The following ZNF236 variants were observed in gnomAD, a reference collection of about 807,000 sequenced individuals.
ZNF236 encodes the protein regulated by glucose.
A neutral mutation model predicts 191.2 loss-of-function variants in ZNF236; 50 were observed. The ratio of observed to expected loss-of-function variants is 0.26; its 90% confidence interval spans 0.21 to 0.33. The LOEUF (loss-of-function observed/expected upper bound fraction) is 0.33. Ranked by LOEUF, ZNF236 falls within the 10% of genes least tolerant of loss-of-function variation. ZNF236 has a pLI of 1.00. For synonymous variants in ZNF236, 907 were observed against 928.8 expected, an observed-to-expected ratio of 0.98 and a Z score of 0.43; for missense variants, 1,754 against 2,374.5, an observed-to-expected ratio of 0.74 and a Z score of 5.43.
intron 22 of ZNF236, among the ~76,000 whole-genome samples, chr18:76,926,808 T>C (rs1599401472): frequency 6.6e-6 from 1 of 151,170 alleles, no homozygotes; most frequent in South Asian, 2.1e-4. Context: ...TGTGTGTATA[T>C]GGTATAAATA....
intron 2 of ZNF236, among the ~76,000 whole-genome samples, chr18:76,851,263 C>CT (rs775928958): frequency 0.021 from 2,471 of 117,650 alleles, 53 homozygotes; most frequent in African/African-American, 0.04. Context: ...AGAAAGAAAC[C>CT]TTTTTTTTTT....
rs1328382467 is a variant in ZNF236 at position 76,927,064 on chromosome 18, C to G, written c.4055C>G (p.Thr1352Arg). The G allele has an allele frequency of 6.2e-7, 1 of 1,613,602 alleles. No individual in the cohort carries two copies. Among genetic ancestry groups the G allele is most frequent in the Non-Finnish European group, 8.5e-7 (1 of 1,179,600 alleles). The change falls in exon 23 of 31, where the codon ACA becomes AGA. Residue 1352 changes from threonine to arginine, a missense_variant. This residue lies in a region of ZNF236 where 606 missense variants were observed against 761.5 expected (regional missense o/e 0.80). Coordinates refer to ENST00000320610, the MANE Select transcript of ZNF236 (RefSeq NM_001306089.2). This position sits in a 1 kb window ranked among gnomAD's most constrained non-coding sequence, Gnocchi z 5.4. ...SAGGDLTVSL[T>R]DGSLATLEGI... Reference sequence around the variant, plus strand: ...GGGGGTGACCTGACCGTGTCTCTGACAGATGGGAGCCTGGCTACCCTAGAA... The same window carrying G: ...GGGGGTGACCTGACCGTGTCTCTGAGAGATGGGAGCCTGGCTACCCTAGAA...
At chr18:76,965,213 A>G (rs532685432) in intron 30 of ZNF236, among the ~76,000 whole-genome samples, 4 of 152,098 alleles carry the variant, frequency 2.6e-5, no homozygotes, top group Non-Finnish European at 5.9e-5. Flanking sequence ...TTCTATAAGT[A>G]TGTCTATTGT....
In ZNF236 at chr18:76,969,111, C is replaced by A; in HGVS notation, c.*772C>A. 2 of 484,076 alleles carry A rather than the reference C, an allele frequency of 4.1e-6. No homozygotes were observed. Among genetic ancestry groups the A allele is most frequent in the Non-Finnish European group, 5.4e-6 (2 of 371,088 alleles). The allele number at this position is 484,076 out of a possible 1,614,324, so 30.0% of individuals were successfully genotyped here. A position where few individuals can be genotyped will look rare whatever the true frequency, so the allele number is the denominator to read the frequency against. ...TTGCAGAAGCACAAGCCATACATCG[C>A]AGGTAGGAAACCACAGAACCGTCTG... On this transcript the variant is annotated 3_prime_UTR_variant, in exon 31 of 31. Coordinates refer to ENST00000320610, the MANE Select transcript of ZNF236 (RefSeq NM_001306089.2).
intron 2 of ZNF236, 88 bp downstream of exon 2, chr18:76,849,756 T>G (rs1194746580): frequency 1.6e-6 from 2 of 1,261,836 alleles, no homozygotes; most frequent in Non-Finnish European, 2.1e-6. Context: ...AAACTTTTAA[T>G]TTAGGTTCCT....
At chr18:76,950,825 C>G (rs1194870163) in intron 27 of ZNF236, among the ~76,000 whole-genome samples, 1 of 152,220 alleles carries the variant, frequency 6.6e-6, no homozygotes, top group African/African-American at 2.4e-5. Flanking sequence ...CGGCTACAGC[C>G]TTATGAGATG....
intron 18 of ZNF236, among the ~76,000 whole-genome samples, chr18:76,914,756 T>C (rs1374022899): frequency 6.6e-6 from 1 of 152,220 alleles, no homozygotes; most frequent in African/African-American, 2.4e-5. Context: ...GGTTTTTATA[T>C]TCTGGCTACT....
rs1159878664 is a variant in ZNF236, at chr18:76,905,545, GAAAAAAAAAAAAAAAAAAAAAAAA to G, written c.2297+132_2297+155del. ...TCTAGCTCATACTATATGGGCTCAA[GAAAAAAAAAAAAAAAAAAAAAAAA>G]AGAAATGTAAGTATTAGTGTCTAAG... On this transcript the variant is annotated intron_variant, in intron 13 of 30. Coordinates refer to ENST00000320610, the MANE Select transcript of ZNF236 (RefSeq NM_001306089.2). 23 of 68,146 alleles carry G rather than the reference GAAAAAAAAAAAAAAAAAAAAAAAA, an allele frequency of 3.4e-4. 1 individual carries two copies. The South Asian group carries it at 8.9e-3, about 26-fold the overall frequency. 4.2% of individuals were successfully genotyped at this position (68,146 alleles called of 1,614,324 possible). A position where few individuals can be genotyped will look rare whatever the true frequency, so the allele number is the denominator to read the frequency against.
intron 19 of ZNF236, among the ~76,000 whole-genome samples, chr18:76,916,434 A>G (rs1967366086): frequency 6.6e-6 from 1 of 152,162 alleles, no homozygotes; most frequent in South Asian, 2.1e-4. Flanking sequence ...ACGTTGTCTC[A>G]TGTAATAGAC....
intron 25 of ZNF236, among the ~76,000 whole-genome samples, chr18:76,929,313 A>G (rs950573857): frequency 6.6e-6 from 1 of 152,186 alleles, no homozygotes; most frequent in Non-Finnish European, 1.5e-5. Flanking sequence ...ATTGAATTTT[A>G]TATAATTCAG....
chr18:76,949,119 C>G (rs1968343837), intron 27 of ZNF236, among the ~76,000 whole-genome samples: 1 of 152,158 alleles, frequency 6.6e-6, no homozygotes, highest in African/African-American at 2.4e-5. Context: ...TTTAAGCTCT[C>G]TTTCTCATGA....
intron 18 of ZNF236, among the ~76,000 whole-genome samples, chr18:76,914,994 A>G (rs1234580951): frequency 6.6e-6 from 1 of 152,202 alleles, no homozygotes; most frequent in Non-Finnish European, 1.5e-5. Flanking sequence ...GTTTTAGTGG[A>G]TACTGGAAAG....
In ZNF236 at chr18:76,925,613, T is replaced by C; in HGVS notation, c.4027+59T>C. 6.4e-7 allele frequency: 1 copy of C among 1,558,564 alleles called. No homozygotes were observed. The highest frequency in any genetic ancestry group is 8.7e-7 in the Non-Finnish European group (1 of 1,154,258). The stretch of plus-strand genomic sequence containing the variant: ...AGTGATTGAACTGTTCTGTGCTGCT[T>C]CTGTCTGTTCCCACGACAGAAGAGA... On this transcript the variant is annotated intron_variant, in intron 22 of 30. Coordinates refer to ENST00000320610, the MANE Select transcript of ZNF236 (RefSeq NM_001306089.2). The surrounding 1 kb of genome is among the most constrained non-coding windows in gnomAD (Gnocchi z 5.7).
Position 76,956,021 on chromosome 18 carries a change from C to A in ZNF236, c.4951C>A (p.Gln1651Lys). 1 of 1,610,706 alleles carries A rather than the reference C, an allele frequency of 6.2e-7. No individual in the cohort carries two copies. Among genetic ancestry groups the A allele is most frequent in the South Asian group, 1.1e-5 (1 of 90,580 alleles). Reference sequence around the variant, plus strand: ...CTCTGGGAACCTGGCCCCGGGCAACCAGCCAGAGAAGGAGGGCCGGGCGCA... The same window carrying A: ...CTCTGGGAACCTGGCCCCGGGCAACAAGCCAGAGAAGGAGGGCCGGGCGCA... The part of the protein sequence containing the change: ...GVSGNLAPGN[Q>K]PEKEGRAHQC... The change falls in exon 28 of 31, where the codon CAG becomes AAG. Residue 1651 changes from glutamine (Q) to lysine (K), a missense_variant. Coordinates refer to ENST00000320610, the MANE Select transcript of ZNF236 (RefSeq NM_001306089.2).
chr18:76,830,706 T>G (rs112210036), intron 1 of ZNF236, among the ~76,000 whole-genome samples: 2,205 of 152,294 alleles, frequency 0.014, 63 homozygotes, highest in African/African-American at 0.05. Context: ...TGGGCCATAT[T>G]CAAAGCCGTC....
At chr18:76,885,087 TC>T (rs1238634555) in intron 9 of ZNF236, 1 of 152,244 alleles carries the variant, frequency 6.6e-6, no homozygotes, top group African/African-American at 2.4e-5. Flanking sequence ...TCCTTAGGGT[TC>T]CCGCCCTGGA....
intron 21 of ZNF236, among the ~76,000 whole-genome samples, chr18:76,924,271 A>G (rs1171788122): frequency 6.6e-6 from 1 of 152,254 alleles, no homozygotes; most frequent in Non-Finnish European, 1.5e-5. Context: ...CTCATGCAGC[A>G]GGTGCCCAGT....
intron 26 of ZNF236, among the ~76,000 whole-genome samples, chr18:76,942,202 G>A (rs1451423646): frequency 6.6e-6 from 1 of 152,166 alleles, no homozygotes; most frequent in African/African-American, 2.4e-5. Context: ...AATTTAATGA[G>A]GAAACGGACT....
At chr18:76,905,129 C>T (rs781158229) in intron 12 of ZNF236, 26 bp from the exon 13 acceptor site, 33 of 1,585,066 alleles carry the variant, frequency 2.1e-5, no homozygotes, top group Non-Finnish European at 2.8e-5. Context: ...GAAACATATT[C>T]ATTAAAATGT....
Sources: gnomAD v4.1 joint callset for allele counts (sites outside exome capture counted in the v4.1 genomes callset) on GRCh38, gnomAD v4.1.1 for gene constraint, gnomAD v4.1.1 regional missense constraint, Gnocchi (gnomAD v3.1) non-coding constraint, MANE v1.5 for transcripts, NCBI Gene and HGNC (gene_info 2026-07-23, HGNC 2026-07-21) for gene names.